MMS22L: variants seen among roughly 807,000 people sequenced by gnomAD.
MMS22L encodes MMS22 like, DNA repair protein.
MMS22L carries 74 observed loss-of-function variants against 159.1 expected under a neutral mutation model. The observed-to-expected ratio is 0.47, with a 90% CI of 0.39 to 0.56. The LOEUF is 0.56. MMS22L is among the 20% of genes least tolerant of loss of function. The pLI is 0.00. For synonymous variants in MMS22L, 517 were observed against 506.9 expected (o/e 1.02, Z -0.27); for missense variants, 1,351 against 1,422.1 (o/e 0.95, Z 0.80).
chr6:97,259,486 T>TCCC (rs1287377808), intron 9 of MMS22L: 3 of 152,096 alleles, frequency 2.0e-5, no homozygotes, highest in Non-Finnish European at 4.4e-5. Flanking sequence ...TAGAGAAGAC[T>TCCC]CCCTGTGCTT....
chr6:97,234,894 G>C (rs1424511537), intron 11 of MMS22L, among the ~76,000 whole-genome samples: 3 of 152,214 alleles, frequency 2.0e-5, no homozygotes, highest in African/African-American at 7.2e-5. Flanking sequence ...CAGAGAAAAT[G>C]AGTGGAAAGT....
intron 11 of MMS22L, among the ~76,000 whole-genome samples, chr6:97,241,032 C>T (rs1333039155): frequency 6.6e-6 from 1 of 152,224 alleles, no homozygotes; most frequent in Non-Finnish European, 1.5e-5. Flanking sequence ...TCATAGCTTA[C>T]CTCCAAGTTA....
In MMS22L at chr6:97,193,751, GTTTAT is replaced by G. The variant is rs372409832; in HGVS notation, c.2040-7066_2040-7062del. Among the ~76,000 whole-genome samples the G allele has an allele frequency of 5.8e-4, 88 of 152,120 alleles. 2 individuals carry two copies. The South Asian group carries it at 0.018, about 31-fold the overall frequency. ...TGGTCTGACAGTCTACATTTCATTTGTTTATTTTATTTATTTATTTATTTTTTGAG... is the reference window on the plus strand; with the variant it reads ...TGGTCTGACAGTCTACATTTCATTTGTTTATTTATTTATTTATTTTTTGAG... On this transcript the variant is annotated intron_variant, in intron 14 of 24. Transcript: ENST00000683635.
chr6:97,238,599 G>GTA (rs1562493343), intron 11 of MMS22L, among the ~76,000 whole-genome samples: 14 of 150,830 alleles, frequency 9.3e-5, no homozygotes, highest in South Asian at 2.1e-4. Context: ...GTGTGTGTGT[G>GTA]TGTGTTTGAG....
At chr6:97,192,556 C>T (rs1275353176) in intron 14 of MMS22L, among the ~76,000 whole-genome samples, 1 of 152,176 alleles carries the variant, frequency 6.6e-6, no homozygotes, top group African/African-American at 2.4e-5. Context: ...TAAGGCAAGA[C>T]AATATGCACT....
At chr6:97,240,780 C>T (rs1463353246) in intron 11 of MMS22L, among the ~76,000 whole-genome samples, 1 of 152,178 alleles carries the variant, frequency 6.6e-6, no homozygotes, top group Non-Finnish European at 1.5e-5. Flanking sequence ...GCACATGCCA[C>T]CACACCCGGC....
At chr6:97,189,499 G>A (rs1805625315) in intron 14 of MMS22L, among the ~76,000 whole-genome samples, 1 of 131,728 alleles carries the variant, frequency 7.6e-6, no homozygotes, top group Admixed American at 9.1e-5. Context: ...GTTGCAGTGA[G>A]CTGAGATTGC....
At chr6:97,235,233 T>C (rs974399028) in intron 11 of MMS22L, among the ~76,000 whole-genome samples, 3 of 152,196 alleles carry the variant, frequency 2.0e-5, no homozygotes, top group Non-Finnish European at 4.4e-5. Context: ...CATTAAAGTA[T>C]GAAAGAAAGA....
At position 97,143,194 on chromosome 6, in the gene MMS22L, TG is replaced by T. The variant is rs1163081520; in HGVS notation, c.*3611del. On this transcript the variant is annotated 3_prime_UTR_variant, in exon 25 of 25. Transcript: ENST00000683635. The stretch of plus-strand genomic sequence containing the variant: ...TGGTATTTTATAGATATTATTTGAC[TG>T]GAATACTCATGTATCCAAATGTATA... 2 of 152,270 alleles carry T rather than the reference TG, an allele frequency of 1.3e-5. No homozygotes were observed. Among genetic ancestry groups the T allele is most frequent in the African/African-American group, 4.8e-5 (2 of 41,472 alleles). 9.4% of individuals were successfully genotyped at this position (152,270 alleles called of 1,614,324 possible). A position where few individuals can be genotyped will look rare whatever the true frequency, so the allele number is the denominator to read the frequency against.
chr6:97,255,048 T>C (rs1298946662), intron 9 of MMS22L, among the ~76,000 whole-genome samples: 1 of 151,986 alleles, frequency 6.6e-6, no homozygotes, highest in Non-Finnish European at 1.5e-5. Flanking sequence ...GCTTCATCTG[T>C]ATTTTGTTTT....
upstream of MMS22L, chr6:97,283,723 C>G (rs1177607050): frequency 6.6e-6 from 1 of 152,144 alleles, no homozygotes; most frequent in African/African-American, 2.4e-5. Context: ...TTATAGGTGA[C>G]CAACCCAACA....
At chr6:97,204,799 A>C (rs1807578789) in intron 14 of MMS22L, among the ~76,000 whole-genome samples, 1 of 151,230 alleles carries the variant, frequency 6.6e-6, no homozygotes, top group Non-Finnish European at 1.5e-5. Context: ...AGTGTCAAAA[A>C]AAAAAAAAAA....
chr6:97,248,175 T>G (rs1304473714), intron 10 of MMS22L, among the ~76,000 whole-genome samples: 1 of 152,228 alleles, frequency 6.6e-6, no homozygotes, highest in Non-Finnish European at 1.5e-5. Flanking sequence ...ATCTGTTAAC[T>G]TGATCTGGAA....
intron 8 of MMS22L, chr6:97,264,729 T>C (rs1475517850): frequency 2.0e-5 from 3 of 152,040 alleles, no homozygotes; most frequent in South Asian, 2.1e-4. Flanking sequence ...CAAAATACCA[T>C]AGCATTTCTA....
chr6:97,164,564 T>C (rs925214299), intron 21 of MMS22L, among the ~76,000 whole-genome samples: 1 of 151,954 alleles, frequency 6.6e-6, no homozygotes, highest in African/African-American at 2.4e-5. Context: ...GGGTGCTTCA[T>C]TTCCAATATT....
intron 11 of MMS22L, chr6:97,246,053 C>T (rs1186374953): frequency 3.6e-6 from 1 of 274,974 alleles, no homozygotes; most frequent in East Asian, 1.1e-4. Context: ...CTTTACAGGG[C>T]TTCCATACAA....
At chr6:97,277,386 C>A (rs1033173293) in intron 4 of MMS22L, among the ~76,000 whole-genome samples, 48 of 151,986 alleles carry the variant, frequency 3.2e-4, no homozygotes, top group Non-Finnish European at 5.4e-4. Context: ...TGCACTCCAG[C>A]CTGGGTGACA....
intron 14 of MMS22L, among the ~76,000 whole-genome samples, chr6:97,226,748 A>G (rs963332430): frequency 2.0e-5 from 3 of 152,154 alleles, no homozygotes; most frequent in Non-Finnish European, 4.4e-5. Flanking sequence ...GGAAGGTTCT[A>G]TAGAAACAAT....
At chr6:97,168,366 T>C (rs1803194845) in intron 19 of MMS22L, 126 bp from the exon 20 acceptor site, 2 of 734,990 alleles carry the variant, frequency 2.7e-6, no homozygotes, top group Non-Finnish European at 4.4e-6. Flanking sequence ...GGAAGAGACA[T>C]ATAGTAGAAG....
Sources: allele counts gnomAD v4.1 joint callset (sites outside exome capture counted in the v4.1 genomes callset), GRCh38; gene constraint gnomAD v4.1.1; transcripts MANE v1.5; gene names NCBI Gene and HGNC (gene_info 2026-07-23, HGNC 2026-07-21).